The following ERF variants were observed in gnomAD, a reference collection of about 807,000 sequenced individuals.
ERF encodes the protein ETS domain-containing transcription factor ERF.
Under a neutral mutation model 41.6 loss-of-function variants are expected in ERF, and 10 were observed. The ratio of observed to expected loss-of-function variants is 0.24; its 90% CI spans 0.15 to 0.41. The LOEUF is 0.41. Ranked by LOEUF, ERF falls within the 10% of genes least tolerant of loss-of-function variation. The pLI is 1.00. For synonymous variants in ERF, 395 were observed against 342.4 expected (o/e 1.15, Z -1.70); for missense variants, 621 against 763.2 (o/e 0.81, Z 2.19).
In ERF at chr19:42,248,528, C is replaced by T; in HGVS notation, c.1584G>A (p.Arg528=). Residue 528 remains arginine (R), a synonymous_variant, in exon 4 of 4, where the codon AGG becomes AGA. Coordinates refer to ENST00000222329, the MANE Select transcript of ERF (RefSeq NM_006494.4). The surrounding 1 kb of genome is among the most constrained non-coding windows in gnomAD (Gnocchi z 4.2). ...PGEAGGPLTP[R]RVSSDLQHAT... Reference sequence around the variant, plus strand: ...CATGCTGGAGGTCAGAGCTCACCCGCCTTGGGGTGAGGGGCCCCCCAGCCT... The same window carrying T: ...CATGCTGGAGGTCAGAGCTCACCCGTCTTGGGGTGAGGGGCCCCCCAGCCT... The T allele has an allele frequency of 6.5e-7, 1 of 1,542,128 alleles. No homozygotes were observed. The highest frequency in any genetic ancestry group is 8.7e-7 in the Non-Finnish European group (1 of 1,147,132).
chr19:42,254,937 G>A (rs759941619), intron 1 of ERF, 41 bp downstream of exon 1: 4 of 1,518,376 alleles, frequency 2.6e-6, no homozygotes, highest in Non-Finnish European at 2.6e-6. Flanking sequence ...CGGTTTCCCG[G>A]GGCAACAAGT....
In ERF at chr19:42,249,347, A is replaced by C. The variant is rs1172888226; in HGVS notation, c.765T>G (p.Gly255=). The change falls in exon 4 of 4, where the codon GGT becomes GGG. Residue 255 remains glycine (G), a synonymous_variant. Coordinates refer to ENST00000222329, the MANE Select transcript of ERF (RefSeq NM_006494.4). The surrounding 1 kb of genome is among the most constrained non-coding windows in gnomAD (Gnocchi z 8.6). ...GCTGAGGGGGCAGCAGGGATCCAGG[A>C]CCGGCCAGAGGCGACACAGGGAAGG... The part of the protein sequence containing the change: ...LSPFPVSPLA[G]PGSLLPPQLS... The C allele has an allele frequency of 2.5e-6, 4 of 1,580,618 alleles. No homozygotes were observed. The highest frequency in any genetic ancestry group is 3.4e-6 in the Non-Finnish European group (4 of 1,163,896).
At chr19:42,251,170 G>A (rs2036439385) in intron 1 of ERF, 12 of 965,622 alleles carry the variant, frequency 1.2e-5, no homozygotes, top group Non-Finnish European at 1.5e-5. Context: ...CTTCCCTGGA[G>A]AGTGAAACCC....
chr19:42,251,782 C>T (rs1261176477), intron 1 of ERF, among the ~76,000 whole-genome samples: 1 of 152,120 alleles, frequency 6.6e-6, no homozygotes, highest in Non-Finnish European at 1.5e-5. Context: ...GGATCCTTCC[C>T]CTTGGGAATC....
At position 42,250,094 on chromosome 19, in the gene ERF, A is replaced by G. The variant is rs527637425; in HGVS notation, c.258-152T>C. 6.0e-5 allele frequency: 49 copies of G among 816,878 alleles called. No individual in the cohort carries two copies. In the East Asian group the frequency reaches 1.2e-3, roughly 20 times the overall value. 50.6% of individuals were successfully genotyped at this position (816,878 alleles called of 1,614,324 possible). On this transcript the variant is annotated intron_variant, in intron 2 of 3. Coordinates refer to ENST00000222329, the MANE Select transcript of ERF (RefSeq NM_006494.4). This position sits in a 1 kb window ranked among gnomAD's most constrained non-coding sequence, Gnocchi z 5.1. ...ATCAAGTGCCCAGAGGGTGGGTACC[A>G]GCTCTCTCCTCACATCTAAGGCAGG... is the stretch of plus-strand genomic sequence containing the variant.
intron 1 of ERF, among the ~76,000 whole-genome samples, chr19:42,252,176 A>C (rs2036455104): frequency 1.3e-5 from 2 of 152,170 alleles, no homozygotes; most frequent in South Asian, 4.1e-4. Context: ...CCCAGCCACC[A>C]GCTTCATGGA....
rs375067175 is a variant in ERF, at chr19:42,250,595, G to A, written c.23-30C>T. Reference sequence around the variant, plus strand: ...GGACGGGAGGCAGGGAGTGGCCTGGGGTCAGGCTGCCAAGTCCAGGGCTCT... The same window carrying A: ...GGACGGGAGGCAGGGAGTGGCCTGGAGTCAGGCTGCCAAGTCCAGGGCTCT... On this transcript the variant is annotated intron_variant, in intron 1 of 3. Coordinates refer to ENST00000222329, the MANE Select transcript of ERF (RefSeq NM_006494.4). This position sits in a 1 kb window ranked among gnomAD's most constrained non-coding sequence, Gnocchi z 5.1. 8.7e-6 allele frequency: 14 copies of A among 1,604,122 alleles called. No homozygotes were observed. In the African/African-American group the frequency reaches 1.1e-4, roughly 12 times the overall value.
Position 42,249,579 on chromosome 19 carries a change from G to A in ERF, c.533C>T (p.Ala178Val). ...SSSSLFSAVV[A>V]RRLGRGSVSD... Reference sequence around the variant, plus strand: ...GACTGAGCCTCGGCCCAGGCGGCGGGCCACCACAGCCGAGAAGAGGGAAGA... The same window carrying A: ...GACTGAGCCTCGGCCCAGGCGGCGGACCACCACAGCCGAGAAGAGGGAAGA... The change falls in exon 4 of 4, where the codon GCC becomes GTC. Residue 178 changes from alanine (A) to valine (V), a missense_variant. Transcript: ENST00000222329. This position sits in a 1 kb window ranked among gnomAD's most constrained non-coding sequence, Gnocchi z 8.6. 6.2e-7 allele frequency: 1 copy of A among 1,613,512 alleles called. No homozygotes were observed. The highest frequency in any genetic ancestry group is 8.5e-7 in the Non-Finnish European group (1 of 1,179,966).
At chr19:42,253,803 G>C in intron 1 of ERF, 1 of 886,752 alleles carries the variant, frequency 1.1e-6, no homozygotes. Flanking sequence ...GAATGGGGTG[G>C]GGATGGGGTG....
chr19:42,248,439 G>A lies in ERF; in HGVS notation c.*26C>T, dbSNP rs537915403. ...GCAAAAGAAGCATGGGGGGTGCGGG[G>A]CACACAGGTCCCCTGCCCACAGCCC... On this transcript the variant is annotated 3_prime_UTR_variant, in exon 4 of 4. Transcript: ENST00000222329. This position sits in a 1 kb window ranked among gnomAD's most constrained non-coding sequence, Gnocchi z 4.2. 2 of 1,462,118 alleles carry A rather than the reference G, an allele frequency of 1.4e-6. No homozygotes were observed. Among genetic ancestry groups the A allele is most frequent in the East Asian group, 2.4e-5 (1 of 41,766 alleles). The allele number at this position is 1,462,118 out of a possible 1,614,324, so 90.6% of individuals were successfully genotyped here.
Position 42,249,672 on chromosome 19 carries a change from G to A in ERF, c.440C>T (p.Ser147Leu). The A allele has an allele frequency of 1.2e-6, 2 of 1,603,040 alleles. No individual in the cohort carries two copies. Among genetic ancestry groups the A allele is most frequent in the Non-Finnish European group, 8.5e-7 (1 of 1,173,506 alleles). ...SGGSHFRFPP[S>L]TPSEVLSPTE... Reference sequence around the variant, plus strand: ...GGGGGACAGCACCTCGGAGGGCGTTGAGGGAGGGAAGCGGAAGTGGCTACC... The same window carrying A: ...GGGGGACAGCACCTCGGAGGGCGTTAAGGGAGGGAAGCGGAAGTGGCTACC... Residue 147 changes from serine to leucine, a missense_variant, in exon 4 of 4, where the codon TCA (serine) becomes TTA (leucine). Ser to Leu is a moderately radical substitution (Grantham distance 145, BLOSUM62 -2). Coordinates refer to ENST00000222329, the MANE Select transcript of ERF (RefSeq NM_006494.4). The surrounding 1 kb of genome is among the most constrained non-coding windows in gnomAD (Gnocchi z 8.6).
At position 42,249,338 on chromosome 19, in the gene ERF, G is replaced by T; in HGVS notation, c.774C>A (p.Ser258=). ...FPVSPLAGPG[S]LLPPQLSPAL... is the part of the protein sequence containing the mutation. ...CCGGGGAGAGCTGAGGGGGCAGCAG[G>T]GATCCAGGACCGGCCAGAGGCGACA... The change falls in exon 4 of 4, where the codon TCC becomes TCA. Residue 258 remains serine (S), a synonymous_variant. Coordinates refer to ENST00000222329, the MANE Select transcript of ERF (RefSeq NM_006494.4). The surrounding 1 kb of genome is among the most constrained non-coding windows in gnomAD (Gnocchi z 8.6). 1.3e-6 allele frequency: 2 copies of T among 1,585,400 alleles called. No individual in the cohort carries two copies. The highest frequency in any genetic ancestry group is 1.7e-6 in the Non-Finnish European group (2 of 1,166,210).
Position 42,249,603 on chromosome 19 carries a change from G to T in ERF, c.509C>A (p.Ser170Tyr). ...GGCCACCACAGCCGAGAAGAGGGAA[G>T]ATGAAGATGAAGAGCAGGCTGGTGG... ...RSPPACSSSS[S>Y]SLFSAVVARR... Residue 170 changes from serine (S) to tyrosine (Y), a missense_variant, in exon 4 of 4, where the codon TCT becomes TAT. Ser to Tyr is a moderately radical substitution (Grantham distance 144). This residue lies in a region of ERF where 569 missense variants were observed against 625.5 expected (regional missense o/e 0.91). Coordinates refer to ENST00000222329, the MANE Select transcript of ERF (RefSeq NM_006494.4). The surrounding 1 kb of genome is among the most constrained non-coding windows in gnomAD (Gnocchi z 8.6). The T allele has an allele frequency of 6.2e-7, 1 of 1,613,622 alleles. No homozygotes were observed. Among genetic ancestry groups the T allele is most frequent in the Non-Finnish European group, 8.5e-7 (1 of 1,179,884 alleles).
chr19:42,248,322 G>A lies in ERF; in HGVS notation c.*143C>T. The A allele has an allele frequency of 4.5e-6, 2 of 442,914 alleles. No homozygotes were observed. Among genetic ancestry groups the A allele is most frequent in the Non-Finnish European group, 6.5e-6 (2 of 306,286 alleles). 27.4% of individuals were successfully genotyped at this position (442,914 alleles called of 1,614,324 possible). A position where few individuals can be genotyped will look rare whatever the true frequency, so the allele number is the denominator to read the frequency against. On this transcript the variant is annotated 3_prime_UTR_variant, in exon 4 of 4. Transcript: ENST00000222329. The surrounding 1 kb of genome is among the most constrained non-coding windows in gnomAD (Gnocchi z 4.2). ...CCATTTTTAAAAAAAAGAAATTAAA[G>A]TTTTATACAAAATGTGGGGAGGGAA...
Position 42,250,148 on chromosome 19 carries a change from T to G in ERF, c.257+183A>C. 2 of 764,542 alleles carry G rather than the reference T, an allele frequency of 2.6e-6. No individual in the cohort carries two copies. The highest frequency in any genetic ancestry group is 4.2e-6 in the Non-Finnish European group (2 of 471,040). 47.4% of individuals were successfully genotyped at this position (764,542 alleles called of 1,614,324 possible). A position where few individuals can be genotyped will look rare whatever the true frequency, so the allele number is the denominator to read the frequency against. ...AGAGGATCCACTGGTGACTGTAATCTCTCCTCAGGATACGTCTGTGTTACC... is the reference window on the plus strand; with the variant it reads ...AGAGGATCCACTGGTGACTGTAATCGCTCCTCAGGATACGTCTGTGTTACC... On this transcript the variant is annotated intron_variant, in intron 2 of 3. Coordinates refer to ENST00000222329, the MANE Select transcript of ERF (RefSeq NM_006494.4). The surrounding 1 kb of genome is among the most constrained non-coding windows in gnomAD (Gnocchi z 5.1).
chr19:42,249,958 T>C lies in ERF; in HGVS notation c.258-16A>G, dbSNP rs866871043. 6.2e-7 allele frequency: 1 copy of C among 1,612,150 alleles called. No individual in the cohort carries two copies. The highest frequency in any genetic ancestry group is 1.7e-4 in the Middle Eastern group (1 of 6,054). On this transcript the variant is annotated splice_polypyrimidine_tract_variant and intron_variant, in intron 2 of 3. Transcript: ENST00000222329. The surrounding 1 kb of genome is among the most constrained non-coding windows in gnomAD (Gnocchi z 8.6). ...ATAGTAATAGCTGTGGGTACAGAAA[T>C]GCCATTGGGAAGGTCAGGTACGTGG...
At chr19:42,254,223 G>A (rs563540039) in intron 1 of ERF, among the ~76,000 whole-genome samples, 336 of 151,746 alleles carry the variant, frequency 2.2e-3, no homozygotes, top group Non-Finnish European at 4.2e-3. Context: ...GATCCGGGAG[G>A]GGGGGCGAGG....
At position 42,248,697 on chromosome 19, in the gene ERF, G is replaced by A; in HGVS notation, c.1415C>T (p.Pro472Leu). ...GAGGGGCATGCACTGGGATGCCCCG[G>A]GTGCCTCGCCGGGCTCAGGCTTAGG... Reference protein sequence around the residue: ...APPKPEPGEAPGASQCMPLKL... With the variant: ...APPKPEPGEALGASQCMPLKL... Residue 472 changes from proline to leucine, a missense_variant, in exon 4 of 4, where the codon CCC (proline) becomes CTC (leucine). Transcript: ENST00000222329. The surrounding 1 kb of genome is among the most constrained non-coding windows in gnomAD (Gnocchi z 4.2). 1 of 1,611,530 alleles carries A rather than the reference G, an allele frequency of 6.2e-7. No homozygotes were observed. The highest frequency in any genetic ancestry group is 1.3e-5 in the African/African-American group (1 of 75,012).
At position 42,248,569 on chromosome 19, in the gene ERF, C is replaced by A. The variant is rs775615410; in HGVS notation, c.1543G>T (p.Gly515Trp). ...EDEGEDKKVR[G>W]EGPGEAGGPL... ...CCCCCAGCCTCCCCAGGCCCCTCCC[C>A]ACGCACCTTCTTGTCCTCACCCTCA... The change falls in exon 4 of 4, where the codon GGG (glycine) becomes TGG (tryptophan). Residue 515 changes from glycine (G) to tryptophan (W), a missense_variant. Transcript: ENST00000222329. The surrounding 1 kb of genome is among the most constrained non-coding windows in gnomAD (Gnocchi z 4.2). 3.2e-6 allele frequency: 5 copies of A among 1,575,314 alleles called. No individual in the cohort carries two copies. The South Asian group carries it at 5.8e-5, about 18-fold the overall frequency.
Sources: gnomAD v4.1 joint callset for allele counts (sites outside exome capture counted in the v4.1 genomes callset) on GRCh38, gnomAD v4.1.1 for gene constraint, gnomAD v4.1.1 regional missense constraint, Gnocchi (gnomAD v3.1) non-coding constraint, MANE v1.5 for transcripts, NCBI Gene and HGNC (gene_info 2026-07-23, HGNC 2026-07-21) for gene names.